SETD3: variants seen among roughly 807,000 people sequenced by gnomAD.
SETD3 encodes the protein actin-histidine N-methyltransferase.
Under a neutral mutation model 63.0 loss-of-function variants are expected in SETD3, and 19 were observed. That is an observed-to-expected ratio of 0.30 (90% CI 0.21 to 0.44). The LOEUF (loss-of-function observed/expected upper bound fraction) is 0.44. Among genes scored for constraint, SETD3 ranks in the 20% least tolerant of loss-of-function variants. SETD3 has a pLI of 1.00. For missense variants in SETD3, 587 were observed against 728.5 expected (o/e 0.81, Z 2.24); for synonymous variants, 286 against 264.1 (o/e 1.08, Z -0.80).
Position 99,413,900 on chromosome 14 carries a change from T to A in SETD3, c.710A>T (p.Asp237Val). The change falls in exon 7 of 13, where the codon GAT becomes GTT. Residue 237 changes from aspartate to valine, a missense_variant. Coordinates refer to ENST00000331768, the MANE Select transcript of SETD3 (RefSeq NM_032233.3). Reference protein sequence around the residue: ...HPHANKLPLKDSFTYEDYRWA... With the variant: ...HPHANKLPLKVSFTYEDYRWA... ...CCTGTAGTCCTCGTAAGTGAAAGAA[T>A]CCTTCAAGGGTAGTTTGTTGGCATG... 2.5e-6 allele frequency: 4 copies of A among 1,614,192 alleles called. No homozygotes were observed. In the South Asian group the frequency reaches 3.3e-5, roughly 13 times the overall value.
chr14:99,436,161 T>C (rs1395472051), intron 6 of SETD3, among the ~76,000 whole-genome samples: 2 of 152,102 alleles, frequency 1.3e-5, no homozygotes, highest in East Asian at 1.9e-4. Context: ...CTGCCTCCGC[T>C]TGATCTCTCC....
At chr14:99,435,203 A>G (rs1195863809) in intron 6 of SETD3, among the ~76,000 whole-genome samples, 1 of 145,798 alleles carries the variant, frequency 6.9e-6, no homozygotes, top group African/African-American at 2.6e-5. Context: ...TTAAAAGTTT[A>G]TAATGCTCAA....
At position 99,453,752 on chromosome 14, in the gene SETD3, G is replaced by A. The variant is rs542665213; in HGVS notation, c.675+4527C>T. Among the ~76,000 whole-genome samples, 66 of 151,964 alleles carry A rather than the reference G, an allele frequency of 4.3e-4. No homozygotes were observed. In the Middle Eastern group the frequency reaches 0.014, roughly 31 times the overall value. On this transcript the variant is annotated intron_variant, in intron 6 of 12. Transcript: ENST00000331768. ...GAGGCAGGAGAATTGCTTGAACCCG[G>A]GAGGCTGAGGTTGCAGTGAGCCGAG...
chr14:99,419,533 T>C (rs1011903715), intron 6 of SETD3, among the ~76,000 whole-genome samples: 5 of 152,128 alleles, frequency 3.3e-5, no homozygotes, highest in Non-Finnish European at 7.4e-5. Context: ...CCCAGCACTT[T>C]GGGAGGCCGA....
At chr14:99,427,724 G>A (rs187240419) in intron 6 of SETD3, among the ~76,000 whole-genome samples, 10 of 152,302 alleles carry the variant, frequency 6.6e-5, no homozygotes, top group Admixed American at 4.6e-4. Flanking sequence ...ATTGTGGGGG[G>A]ACAATGAGCA....
chr14:99,463,465 T>G, intron 3 of SETD3, 21 bp downstream of exon 3: 1 of 1,585,174 alleles, frequency 6.3e-7, no homozygotes. Flanking sequence ...TAAAATACAG[T>G]TATCATTCTA....
chr14:99,442,210 A>G (rs1893863587), intron 6 of SETD3, among the ~76,000 whole-genome samples: 1 of 152,316 alleles, frequency 6.6e-6, no homozygotes, highest in South Asian at 2.1e-4. Context: ...AAAAGTAATC[A>G]TACCTTCTCA....
At chr14:99,403,456 CTCTCTCT>C (rs1891503909) in intron 11 of SETD3, among the ~76,000 whole-genome samples, 1 of 27,658 alleles carries the variant, frequency 3.6e-5, no homozygotes. Flanking sequence ...CACACACACA[CTCTCTCT>C]CTCTCTCTCT....
chr14:99,399,549 C>A (rs1891267456), intron 12 of SETD3, among the ~76,000 whole-genome samples: 1 of 151,936 alleles, frequency 6.6e-6, no homozygotes, highest in African/African-American at 2.4e-5. Context: ...ACTTAAAAAG[C>A]ACAAATGAAA....
chr14:99,471,775 G>A (rs1421077697), intron 1 of SETD3, among the ~76,000 whole-genome samples: 1 of 152,206 alleles, frequency 6.6e-6, no homozygotes, highest in African/African-American at 2.4e-5. Context: ...TTGGTCTTTA[G>A]AAAGCAATAA....
chr14:99,477,820 A>C (rs1363805156), intron 1 of SETD3, among the ~76,000 whole-genome samples: 1 of 150,980 alleles, frequency 6.6e-6, no homozygotes, highest in Non-Finnish European at 1.5e-5. Context: ...TAATATTTTG[A>C]TAGAAATTTT....
chr14:99,466,618 CGGGG>C (rs33981608), intron 1 of SETD3, among the ~76,000 whole-genome samples: 1,698 of 148,998 alleles, frequency 0.011, 50 homozygotes, highest in African/African-American at 0.038. Context: ...TGAAGAATGG[CGGGG>C]GGGGGGGGGG....
chr14:99,484,230 G>A (rs1055722221), upstream of SETD3, among the ~76,000 whole-genome samples: 4 of 152,224 alleles, frequency 2.6e-5, no homozygotes, highest in African/African-American at 9.7e-5. Flanking sequence ...CTGTGAATTA[G>A]TCAGGTTGTT....
At position 99,463,482 on chromosome 14, in the gene SETD3, T is replaced by C. The variant is rs1376934365; in HGVS notation, c.196+4A>G. ...AAATACAGTTATCATTCTAGCAATT[T>C]TACCTTTTTGCTTTTTCCGTATTTT... On this transcript the variant is annotated splice_donor_region_variant and intron_variant, in intron 3 of 12. Transcript: ENST00000331768. 6.2e-7 allele frequency: 1 copy of C among 1,609,568 alleles called. No individual in the cohort carries two copies. The highest frequency in any genetic ancestry group is 2.2e-5 in the East Asian group (1 of 44,860).
At chr14:99,456,824 T>C (rs1199542578) in intron 6 of SETD3, among the ~76,000 whole-genome samples, 1 of 152,176 alleles carries the variant, frequency 6.6e-6, no homozygotes, top group African/African-American at 2.4e-5. Context: ...GACCAGTTAA[T>C]ACAAAGAAAC....
intron 1 of SETD3, among the ~76,000 whole-genome samples, chr14:99,478,560 A>T (rs1276363516): frequency 6.6e-6 from 1 of 152,220 alleles, no homozygotes; most frequent in African/African-American, 2.4e-5. Flanking sequence ...GTACGCCTCA[A>T]ACTACACTGA....
rs557649630 is a variant in SETD3 at position 99,447,116 on chromosome 14, C to T, written c.675+11163G>A. Among the ~76,000 whole-genome samples the T allele has an allele frequency of 8.5e-5, 13 of 152,214 alleles. No homozygotes were observed. In the East Asian group the frequency reaches 1.5e-3, roughly 18 times the overall value. On this transcript the variant is annotated intron_variant, in intron 6 of 12. Coordinates refer to ENST00000331768, the MANE Select transcript of SETD3 (RefSeq NM_032233.3). ...CCTCCCAAGTATCTGGGACTACAGG[C>T]GCACGCCACCACGCCCAGCTAATTT...
intron 6 of SETD3, among the ~76,000 whole-genome samples, chr14:99,425,679 G>A (rs1387281782): frequency 6.6e-6 from 1 of 152,180 alleles, no homozygotes. Flanking sequence ...TCAGAAAATA[G>A]CAATCCAGCT....
At chr14:99,453,042 T>G (rs1483095480) in intron 6 of SETD3, among the ~76,000 whole-genome samples, 2 of 152,110 alleles carry the variant, frequency 1.3e-5, no homozygotes, top group Non-Finnish European at 2.9e-5. Context: ...GTTAACAGCC[T>G]CAATGCCGAA....
Sources: allele counts gnomAD v4.1 joint callset (sites outside exome capture counted in the v4.1 genomes callset), GRCh38; gene constraint gnomAD v4.1.1; transcripts MANE v1.5; gene names NCBI Gene and HGNC (gene_info 2026-07-23, HGNC 2026-07-21).